Variants in LIMK2 observed in about 807,000 individuals in gnomAD.
LIMK2 encodes the protein LIM domain kinase 2.
A neutral mutation model predicts 75.7 loss-of-function variants in LIMK2; 35 were observed. The ratio of observed to expected loss-of-function variants is 0.46; its 90% CI spans 0.35 to 0.61. The LOEUF is 0.61. LIMK2 is among the 20% of genes least tolerant of loss of function. The probability of loss-of-function intolerance (pLI) is 0.00; values close to 1 mark genes in which losing one functional copy is unlikely to be tolerated. For missense variants in LIMK2, 623 were observed against 831.0 expected, an observed-to-expected ratio of 0.75 and a Z score of 3.08; for synonymous variants, 301 against 319.2, an observed-to-expected ratio of 0.94 and a Z score of 0.61.
chr22:31,230,670 G>C (rs1009093263), intron 2 of LIMK2, among the ~76,000 whole-genome samples: 1 of 152,152 alleles, frequency 6.6e-6, no homozygotes, highest in Non-Finnish European at 1.5e-5. Flanking sequence ...CTGGGAAAGG[G>C]CTAATGCAGA....
rs1271536035 is a variant in LIMK2 at position 31,262,069 on chromosome 22, A to T, written c.552-65A>T. 2 of 1,343,506 alleles carry T rather than the reference A, an allele frequency of 1.5e-6. No individual in the cohort carries two copies. Among genetic ancestry groups the T allele is most frequent in the Non-Finnish European group, 2.1e-6 (2 of 934,826 alleles). 83.2% of individuals were successfully genotyped at this position (1,343,506 alleles called of 1,614,324 possible). ...GGGACCTGGTAAACCTTCCCTGCAC[A>T]AGCAGAATTGGTCAAGCAGGTTTTT... On this transcript the variant is annotated intron_variant, in intron 5 of 15. Coordinates refer to ENST00000331728, the MANE Select transcript of LIMK2 (RefSeq NM_005569.4). This position sits in a 1 kb window ranked among gnomAD's most constrained non-coding sequence, Gnocchi z 5.0.
chr22:31,222,462 C>A (rs987629334), intron 1 of LIMK2, among the ~76,000 whole-genome samples: 1 of 148,280 alleles, frequency 6.7e-6, no homozygotes, highest in South Asian at 2.1e-4. Context: ...GCAACCTCCA[C>A]CTCCTGGGTT....
chr22:31,242,605 C>T (rs1334488961), intron 2 of LIMK2, among the ~76,000 whole-genome samples: 1 of 152,248 alleles, frequency 6.6e-6, no homozygotes, highest in Non-Finnish European at 1.5e-5. Context: ...TTGGTATCCT[C>T]ATATGTCTTG....
chr22:31,272,757 C>G (rs2048972875), intron 13 of LIMK2, 53 bp downstream of exon 13: 12 of 1,524,976 alleles, frequency 7.9e-6, no homozygotes, highest in Non-Finnish European at 1.1e-5. Context: ...CAGATGCTGC[C>G]CTTGCATCAG....
chr22:31,261,545 C>CAAAA (rs574806431), intron 5 of LIMK2, among the ~76,000 whole-genome samples: 1 of 126,368 alleles, frequency 7.9e-6, no homozygotes, highest in East Asian at 3.1e-4. Flanking sequence ...GACTCCATCT[C>CAAAA]AAAAAAAAAA....
Position 31,225,777 on chromosome 22 carries a change from G to A in LIMK2, c.74G>A (p.Trp25Ter). Residue 25 changes from tryptophan to a stop codon, truncating the protein, a stop_gained, in exon 2 of 16, where the codon TGG (tryptophan) becomes TAG (stop). Transcript: ENST00000331728. LOFTEE classifies it high-confidence loss of function. ...GACCACATTGCTCCAAGCCAGATAT[G>A]GTACAGGACTGTCAACGAAACCTGG... The part of the protein sequence containing the change: ...CGDHIAPSQI[W>*]YRTVNETWHG... 6.2e-7 allele frequency: 1 copy of A among 1,614,070 alleles called. No individual in the cohort carries two copies. The highest frequency in any genetic ancestry group is 8.5e-7 in the Non-Finnish European group (1 of 1,179,994).
intron 7 of LIMK2, among the ~76,000 whole-genome samples, chr22:31,265,222 C>T (rs1453795228): frequency 3.7e-5 from 5 of 133,948 alleles, no homozygotes; most frequent in Admixed American, 3.1e-4. Context: ...AAAAATTAGC[C>T]GGGCGTGGTG....
intron 2 of LIMK2, among the ~76,000 whole-genome samples, chr22:31,254,242 A>G (rs780584565): frequency 4.6e-5 from 7 of 152,240 alleles, no homozygotes; most frequent in Non-Finnish European, 1.0e-4. Flanking sequence ...GGCAATGGAA[A>G]GGAGGGTGTG....
intron 15 of LIMK2, chr22:31,275,600 T>TTAA: frequency 8.3e-6 from 3 of 363,330 alleles, no homozygotes; most frequent in South Asian, 4.5e-5. Flanking sequence ...TATTCATCTT[T>TTAA]CGATATTCCC....
intron 4 of LIMK2, among the ~76,000 whole-genome samples, chr22:31,259,522 C>T (rs2123836257): frequency 6.6e-6 from 1 of 152,270 alleles, no homozygotes; most frequent in East Asian, 1.9e-4. Context: ...CCCCTTAGAG[C>T]TCACCCTGTC....
chr22:31,241,436 G>C (rs1002941690), intron 2 of LIMK2, among the ~76,000 whole-genome samples: 4 of 152,058 alleles, frequency 2.6e-5, no homozygotes, highest in African/African-American at 9.7e-5. Context: ...ACCACATAAG[G>C]CTCCCTGGGA....
intron 15 of LIMK2, chr22:31,275,509 T>C: frequency 1.8e-6 from 1 of 567,246 alleles, no homozygotes; most frequent in South Asian, 2.3e-5. Context: ...GCAAGTAATC[T>C]GGATAGGACA....
At chr22:31,273,114 C>A (rs2048975981) in intron 13 of LIMK2, 3 of 861,792 alleles carry the variant, frequency 3.5e-6, no homozygotes, top group Non-Finnish European at 4.2e-6. Flanking sequence ...GAATACAATC[C>A]ATTTTGGAGT....
At position 31,260,068 on chromosome 22, in the gene LIMK2, A is replaced by G; in HGVS notation, c.542A>G (p.Gln181Arg). 1 of 1,576,874 alleles carries G rather than the reference A, an allele frequency of 6.3e-7. No homozygotes were observed. Among genetic ancestry groups the G allele is most frequent in the Non-Finnish European group, 8.6e-7 (1 of 1,164,686 alleles). The change falls in exon 5 of 16, where the codon CAA (glutamine) becomes CGA (arginine). Residue 181 changes from glutamine (Q) to arginine (R), a missense_variant. Physicochemically the swap from Gln to Arg is conservative, Grantham distance 43 (BLOSUM62 1). Transcript: ENST00000331728. ...TGCTCCAACTACGCCACCACTGTGC[A>G]AGTGAAAGAGTAAGTATTTTGAGAA... The part of the protein sequence containing the change: ...SACSNYATTV[Q>R]VKEVNRMHIS...
intron 2 of LIMK2, among the ~76,000 whole-genome samples, chr22:31,241,301 A>G (rs972337145): frequency 2.0e-5 from 3 of 152,232 alleles, no homozygotes; most frequent in African/African-American, 7.2e-5. Context: ...GAGTCCAAAG[A>G]CTTGGGTCAA....
At chr22:31,213,938 C>A (rs575992031) in intron 1 of LIMK2, among the ~76,000 whole-genome samples, 1 of 151,888 alleles carries the variant, frequency 6.6e-6, no homozygotes, top group Non-Finnish European at 1.5e-5. Flanking sequence ...ACCTCAGCCT[C>A]CCGAGTAGCT....
At chr22:31,227,027 A>T (rs1473191633) in intron 2 of LIMK2, among the ~76,000 whole-genome samples, 5 of 152,238 alleles carry the variant, frequency 3.3e-5, no homozygotes. Context: ...GATGGTAATA[A>T]TCTTGTTGAG....
At chr22:31,237,179 TGAACCCGGGAGGCG>T (rs1044108701) in intron 2 of LIMK2, among the ~76,000 whole-genome samples, 1 of 147,534 alleles carries the variant, frequency 6.8e-6, no homozygotes, top group Non-Finnish European at 1.5e-5. Flanking sequence ...GAGAATGGCG[TGAACCCGGGAGGCG>T]GAGCTTGCAG....
intron 2 of LIMK2, among the ~76,000 whole-genome samples, chr22:31,229,772 G>C (rs1278208394): frequency 6.6e-6 from 1 of 152,018 alleles, no homozygotes; most frequent in Non-Finnish European, 1.5e-5. Flanking sequence ...CCATTCTTCT[G>C]TCTGCAGCCA....
Sources: gnomAD v4.1 joint callset for allele counts (sites outside exome capture counted in the v4.1 genomes callset) on GRCh38, gnomAD v4.1.1 for gene constraint, Gnocchi (gnomAD v3.1) non-coding constraint, MANE v1.5 for transcripts, NCBI Gene and HGNC (gene_info 2026-07-23, HGNC 2026-07-21) for gene names.